The following MSI2 variants were observed in gnomAD, a reference collection of about 807,000 sequenced individuals.
MSI2 encodes the protein musashi RNA binding protein 2, also known as RNA-binding protein Musashi homolog 2.
Under a neutral mutation model 45.6 loss-of-function variants are expected in MSI2, and 17 were observed. The observed-to-expected ratio is 0.37, with a 90% CI of 0.26 to 0.56. The LOEUF is 0.56. MSI2 is among the 20% of genes least tolerant of loss of function. The pLI, the probability that MSI2 is intolerant of heterozygous loss-of-function variation, is 0.77. For synonymous variants in MSI2, 156 were observed against 158.2 expected, an observed-to-expected ratio of 0.99 and a Z score of 0.11; for missense variants, 293 against 444.2, an observed-to-expected ratio of 0.66 and a Z score of 3.06.
chr17:57,393,793 T>C (rs1261913877), intron 5 of MSI2, among the ~76,000 whole-genome samples: 1 of 152,244 alleles, frequency 6.6e-6, no homozygotes, highest in Non-Finnish European at 1.5e-5. Context: ...GTGATTCTCC[T>C]GCCTCAGCCT....
chr17:57,625,379 C>T (rs1908702017), intron 9 of MSI2, among the ~76,000 whole-genome samples: 1 of 152,180 alleles, frequency 6.6e-6, no homozygotes, highest in Non-Finnish European at 1.5e-5. Context: ...GAGCCCACCT[C>T]CAAGGCACAA....
At chr17:57,636,197 G>A (rs1030635329) in intron 10 of MSI2, among the ~76,000 whole-genome samples, 3 of 151,558 alleles carry the variant, frequency 2.0e-5, no homozygotes, top group Non-Finnish European at 4.4e-5. Flanking sequence ...GTGGAAATCA[G>A]AGTGAAGGGG....
chr17:57,657,997 G>A (rs993590516), intron 11 of MSI2, among the ~76,000 whole-genome samples: 1 of 152,188 alleles, frequency 6.6e-6, no homozygotes, highest in Non-Finnish European at 1.5e-5. Context: ...AATGACCACT[G>A]TCAGCTTCAT....
rs1324213126 is a variant in MSI2, at chr17:57,568,595, C to T, written c.455-28273C>T. ...TAATGGCTCAAGTCCTAACAGTTAA[C>T]ACCTAGCCTCCACCTCTAATCCCCT... On this transcript the variant is annotated intron_variant, in intron 7 of 13. Transcript: ENST00000284073. 3.9e-5 allele frequency among the ~76,000 whole-genome samples: 6 copies of T among 152,334 alleles called. No individual in the cohort carries two copies. The East Asian group carries it at 1.2e-3, about 29-fold the overall frequency.
chr17:57,283,372 C>T (rs2143395414), intron 5 of MSI2, among the ~76,000 whole-genome samples: 1 of 152,276 alleles, frequency 6.6e-6, no homozygotes, highest in South Asian at 2.1e-4. Context: ...CTTTGTATCG[C>T]TGACCCATTA....
At chr17:57,461,906 C>A (rs2085237368) in intron 6 of MSI2, among the ~76,000 whole-genome samples, 1 of 152,224 alleles carries the variant, frequency 6.6e-6, no homozygotes, top group South Asian at 2.1e-4. Context: ...CATTTCCTTC[C>A]TCTTGTCCTT....
intron 10 of MSI2, chr17:57,633,141 C>T: frequency 2.0e-6 from 2 of 1,022,676 alleles, no homozygotes; most frequent in South Asian, 4.6e-5. Context: ...TTTTTTTTCC[C>T]CTGTAAGCAA....
chr17:57,286,898 G>T (rs919852421), intron 5 of MSI2, among the ~76,000 whole-genome samples: 1 of 152,138 alleles, frequency 6.6e-6, no homozygotes, highest in Non-Finnish European at 1.5e-5. Context: ...TTAAAATGCC[G>T]AGGTAGGTTT....
At chr17:57,539,786 G>A (rs2144118530) in intron 7 of MSI2, among the ~76,000 whole-genome samples, 1 of 152,290 alleles carries the variant, frequency 6.6e-6, no homozygotes, top group African/African-American at 2.4e-5. Flanking sequence ...GACCAGAGGG[G>A]AGGAGGGCCA....
chr17:57,579,319 C>T (rs558818431), intron 7 of MSI2, among the ~76,000 whole-genome samples: 1 of 152,182 alleles, frequency 6.6e-6, no homozygotes, highest in Non-Finnish European at 1.5e-5. Flanking sequence ...TTGGGGAAAG[C>T]TCTGCTGTCG....
At chr17:57,640,089 T>A (rs1052881190) in intron 10 of MSI2, among the ~76,000 whole-genome samples, 1 of 151,454 alleles carries the variant, frequency 6.6e-6, no homozygotes, top group African/African-American at 2.4e-5. Context: ...CTAGAGGAGG[T>A]GGGGGGAGCT....
At chr17:57,274,561 C>T (rs2143310726) in intron 5 of MSI2, 1 of 152,332 alleles carries the variant, frequency 6.6e-6, no homozygotes, top group Non-Finnish European at 1.5e-5. Context: ...TGGGTAAGTG[C>T]TCCGTGCCTG....
intron 6 of MSI2, among the ~76,000 whole-genome samples, chr17:57,525,406 A>G (rs1426656926): frequency 1.3e-5 from 2 of 152,092 alleles, no homozygotes; most frequent in African/African-American, 4.8e-5. Flanking sequence ...CATCTCAGCC[A>G]TCTGAGTAGT....
chr17:57,484,830 C>A lies in MSI2; in HGVS notation c.406-44846C>A, dbSNP rs192910997. 1.0e-3 allele frequency among the ~76,000 whole-genome samples: 155 copies of A among 152,252 alleles called. 1 individual carries two copies. In the Middle Eastern group the frequency reaches 0.02, roughly 20 times the overall value. On this transcript the variant is annotated intron_variant, in intron 6 of 13. Coordinates refer to ENST00000284073, the MANE Select transcript of MSI2 (RefSeq NM_138962.4). ...ATGTCAGCAATGCCACCATTTCCAC[C>A]CCATCAGAACTCTTACCTGTGCTCG... is the stretch of plus-strand genomic sequence containing the variant.
chr17:57,627,232 A>G lies in MSI2; in HGVS notation c.656A>G (p.Tyr219Cys), dbSNP rs1908891692. The G allele has an allele frequency of 6.2e-7, 1 of 1,614,212 alleles. No homozygotes were observed. Among genetic ancestry groups the G allele is most frequent in the Non-Finnish European group, 8.5e-7 (1 of 1,180,034 alleles). The change falls in exon 10 of 14, where the codon TAT (tyrosine) becomes TGT (cysteine). Residue 219 changes from tyrosine to cysteine, a missense_variant. Tyr to Cys is a radical substitution (Grantham distance 194). Coordinates refer to ENST00000284073, the MANE Select transcript of MSI2 (RefSeq NM_138962.4). The surrounding 1 kb of genome is among the most constrained non-coding windows in gnomAD (Gnocchi z 4.6). Reference protein sequence around the residue: ...AFMLGMGMLGYPNFVATYGRG... With the variant: ...AFMLGMGMLGCPNFVATYGRG... Reference sequence around the variant, plus strand: ...GATCTTTCTCTTTGTGTTCAAGGATATCCCAACTTCGTGGCGACCTATGGC... The same window carrying G: ...GATCTTTCTCTTTGTGTTCAAGGATGTCCCAACTTCGTGGCGACCTATGGC...
intron 5 of MSI2, among the ~76,000 whole-genome samples, chr17:57,352,746 A>G (rs531441673): frequency 1.3e-5 from 2 of 151,810 alleles, no homozygotes; most frequent in South Asian, 4.1e-4. Flanking sequence ...TCTTATGTTC[A>G]AGCTTCTTGG....
chr17:57,455,274 T>C (rs902430444), intron 6 of MSI2, among the ~76,000 whole-genome samples: 1 of 152,212 alleles, frequency 6.6e-6, no homozygotes, highest in African/African-American at 2.4e-5. Flanking sequence ...CTCTGAATAA[T>C]GCAGTGAAGC....
At chr17:57,512,348 C>G (rs917889473) in intron 6 of MSI2, among the ~76,000 whole-genome samples, 1 of 152,120 alleles carries the variant, frequency 6.6e-6, no homozygotes, top group Non-Finnish European at 1.5e-5. Context: ...TAAGGGCTGC[C>G]CATTTGCTGA....
intron 2 of MSI2, 150 bp downstream of exon 2, chr17:57,257,288 C>T: frequency 1.8e-6 from 1 of 554,914 alleles, no homozygotes; most frequent in Non-Finnish European, 3.0e-6. Flanking sequence ...CAAATCCTTT[C>T]TGAGCCCTCT....
Sources: allele counts gnomAD v4.1 joint callset (sites outside exome capture counted in the v4.1 genomes callset), GRCh38; gene constraint gnomAD v4.1.1; non-coding constraint Gnocchi (gnomAD v3.1); transcripts MANE v1.5; gene names NCBI Gene and HGNC (gene_info 2026-07-23, HGNC 2026-07-21).